MAPKAP1: variants seen among roughly 807,000 people sequenced by gnomAD.
MAPKAP1 encodes the protein MAPK associated protein 1.
MAPKAP1 carries 20 observed loss-of-function variants against 65.7 expected under a neutral mutation model. The observed-to-expected ratio is 0.30, with a 90% CI of 0.21 to 0.44. The LOEUF (loss-of-function observed/expected upper bound fraction) is 0.44. MAPKAP1 is among the 20% of genes least tolerant of loss of function. The pLI, the probability that MAPKAP1 is intolerant of heterozygous loss-of-function variation, is 1.00. For synonymous variants in MAPKAP1, 222 were observed against 244.3 expected (o/e 0.91, Z 0.85); for missense variants, 423 against 648.0 (o/e 0.65, Z 3.77).
intron 2 of MAPKAP1, among the ~76,000 whole-genome samples, chr9:125,670,350 A>G (rs1834460344): frequency 6.6e-6 from 1 of 152,190 alleles, no homozygotes; most frequent in South Asian, 2.1e-4. Context: ...TAGACTATTA[A>G]AGTTTTAAAT....
rs146813311 is a variant in MAPKAP1 at position 125,695,625 on chromosome 9, A to G, written c.-70+11346T>C. Among the ~76,000 whole-genome samples the G allele has an allele frequency of 9.3e-3, 1,422 of 152,354 alleles. 10 individuals are homozygous for G. Among genetic ancestry groups the G allele is most frequent in the Middle Eastern group, 0.044 (13 of 294 alleles). On this transcript the variant is annotated intron_variant, in intron 1 of 11. Transcript: ENST00000265960. ...TTGCATTGTACATAAGAGAATCAGT[A>G]TGCACATTTTTATATTGTACATAAG...
rs35867576 is a variant in MAPKAP1, at chr9:125,503,880, C to CTTTTTTTTTTTT, written c.1066+2418_1066+2429dup. ...TATAGGCACCCGCCACCACGCTTGG[C>CTTTTTTTTTTTT]TTTTTTTTTTTTTTTTTTTTTTTTT... On this transcript the variant is annotated intron_variant, in intron 8 of 11. Transcript: ENST00000265960. Among the ~76,000 whole-genome samples the CTTTTTTTTTTTT allele has an allele frequency of 1.9e-3, 126 of 66,244 alleles. 8 individuals are homozygous for CTTTTTTTTTTTT. Among genetic ancestry groups the CTTTTTTTTTTTT allele is most frequent in the African/African-American group, 3.5e-3 (44 of 12,594 alleles). 43.5% of individuals were successfully genotyped at this position (66,244 alleles called of 152,430 possible).
At chr9:125,698,282 T>TAAATAA (rs1835455276) in intron 1 of MAPKAP1, among the ~76,000 whole-genome samples, 8 of 25,340 alleles carry the variant, frequency 3.2e-4, no homozygotes, top group Non-Finnish European at 4.2e-4. Flanking sequence ...ATACATAATA[T>TAAATAA]ATATAAATAT....
intron 4 of MAPKAP1, among the ~76,000 whole-genome samples, chr9:125,636,245 C>T (rs1041486292): frequency 1.3e-5 from 2 of 152,104 alleles, no homozygotes; most frequent in African/African-American, 4.8e-5. Flanking sequence ...CACCTAATAG[C>T]AGGTGTCATT....
chr9:125,439,108 C>T lies in MAPKAP1; in HGVS notation c.1444-96G>A, dbSNP rs761592800. Reference sequence around the variant, plus strand: ...TGGCAGGGAAGGCCCTGACCTGGGCCGGGTGCCTCAGGGCCAGGTGCTGTC... The same window carrying T: ...TGGCAGGGAAGGCCCTGACCTGGGCTGGGTGCCTCAGGGCCAGGTGCTGTC... On this transcript the variant is annotated intron_variant, in intron 11 of 11. Transcript: ENST00000265960. The surrounding 1 kb of genome is among the most constrained non-coding windows in gnomAD (Gnocchi z 4.0). 2.0e-6 allele frequency: 3 copies of T among 1,469,812 alleles called. No homozygotes were observed. Among genetic ancestry groups the T allele is most frequent in the African/African-American group, 1.4e-5 (1 of 71,556 alleles). The allele number at this position is 1,469,812 out of a possible 1,614,324, so 91.0% of individuals were successfully genotyped here.
At chr9:125,477,213 A>G (rs562758880) in intron 9 of MAPKAP1, among the ~76,000 whole-genome samples, 5 of 152,338 alleles carry the variant, frequency 3.3e-5, no homozygotes, top group Admixed American at 6.5e-5. Context: ...CGATGCTGAT[A>G]GGATGGAATT....
intron 8 of MAPKAP1, among the ~76,000 whole-genome samples, chr9:125,503,394 C>T (rs564227031): frequency 9.8e-5 from 15 of 152,338 alleles, no homozygotes; most frequent in Admixed American, 5.2e-4. Context: ...CGGGCAAAAG[C>T]GCTCGTAGGC....
At chr9:125,555,436 A>G (rs1830708887) in intron 6 of MAPKAP1, among the ~76,000 whole-genome samples, 1 of 152,234 alleles carries the variant, frequency 6.6e-6, no homozygotes, top group Non-Finnish European at 1.5e-5. Context: ...GCCTAAATTC[A>G]AAGTCTGTGC....
intron 10 of MAPKAP1, among the ~76,000 whole-genome samples, chr9:125,455,169 T>C (rs1037244533): frequency 5.3e-5 from 8 of 152,238 alleles, no homozygotes; most frequent in Non-Finnish European, 1.0e-4. Flanking sequence ...GGACAAGTTA[T>C]GTAGCTTCTC....
chr9:125,551,779 C>G (rs763782316), intron 6 of MAPKAP1, among the ~76,000 whole-genome samples: 8 of 151,960 alleles, frequency 5.3e-5, no homozygotes, highest in Non-Finnish European at 1.2e-4. Flanking sequence ...CTTTTGAACT[C>G]AATTCAGTCT....
intron 3 of MAPKAP1, among the ~76,000 whole-genome samples, chr9:125,662,662 G>A (rs930120635): frequency 1.3e-5 from 2 of 151,956 alleles, no homozygotes; most frequent in Non-Finnish European, 2.9e-5. Flanking sequence ...CAGCCTGGGC[G>A]ACAGAGCAAG....
At chr9:125,522,019 A>T (rs747097418) in intron 7 of MAPKAP1, among the ~76,000 whole-genome samples, 1 of 152,230 alleles carries the variant, frequency 6.6e-6, no homozygotes, top group African/African-American at 2.4e-5. Flanking sequence ...CGGATAATAC[A>T]GTAGTTGTAT....
At chr9:125,524,742 ACTGCAGTTC>A (rs1347704258) in intron 7 of MAPKAP1, among the ~76,000 whole-genome samples, 1 of 152,194 alleles carries the variant, frequency 6.6e-6, no homozygotes, top group Non-Finnish European at 1.5e-5. Flanking sequence ...AGCAGCTTCC[ACTGCAGTTC>A]CTGTCTCCTT....
chr9:125,450,080 G>T (rs1243997864), intron 10 of MAPKAP1, among the ~76,000 whole-genome samples: 1 of 151,846 alleles, frequency 6.6e-6, no homozygotes, highest in African/African-American at 2.4e-5. Context: ...CCCCCACCAT[G>T]CCCGGCTATC....
In MAPKAP1 at chr9:125,626,037, G is replaced by A. The variant is rs150489405; in HGVS notation, c.498+31614C>T. 4.1e-3 allele frequency among the ~76,000 whole-genome samples: 623 copies of A among 152,214 alleles called. 6 individuals carry two copies. The highest frequency in any genetic ancestry group is 0.014 in the African/African-American group (588 of 41,532). ...AAGTCCATATCATTAAGGACTGAAC[G>A]TCTACATTTTATTTTTAAGAAAATG... On this transcript the variant is annotated intron_variant, in intron 4 of 11. Coordinates refer to ENST00000265960, the MANE Select transcript of MAPKAP1 (RefSeq NM_001006617.3).
At chr9:125,486,807 A>T (rs1295583046) in intron 8 of MAPKAP1, among the ~76,000 whole-genome samples, 1 of 151,246 alleles carries the variant, frequency 6.6e-6, no homozygotes, top group African/African-American at 2.4e-5. Flanking sequence ...TCCCCATCTC[A>T]TTCTCTCCCG....
At chr9:125,442,847 C>A (rs1352005362) in intron 11 of MAPKAP1, among the ~76,000 whole-genome samples, 1 of 152,216 alleles carries the variant, frequency 6.6e-6, no homozygotes, top group Non-Finnish European at 1.5e-5. Context: ...CTTTTGCAGC[C>A]ATGGGGAATG....
chr9:125,632,011 G>T (rs943806646), intron 4 of MAPKAP1, among the ~76,000 whole-genome samples: 12 of 152,120 alleles, frequency 7.9e-5, no homozygotes, highest in Non-Finnish European at 7.4e-5. Flanking sequence ...CTTGAGGTAA[G>T]GAGTTCAAGA....
At chr9:125,693,482 T>TAC (rs1564619777) in intron 1 of MAPKAP1, among the ~76,000 whole-genome samples, 1 of 148,450 alleles carries the variant, frequency 6.7e-6, no homozygotes, top group Non-Finnish European at 1.5e-5. Context: ...CACACACATA[T>TAC]ACACATATAT....
Sources: allele counts gnomAD v4.1 joint callset (sites outside exome capture counted in the v4.1 genomes callset), GRCh38; gene constraint gnomAD v4.1.1; non-coding constraint Gnocchi (gnomAD v3.1); transcripts MANE v1.5; gene names NCBI Gene and HGNC (gene_info 2026-07-23, HGNC 2026-07-21).